ZBTB20: variants seen among roughly 807,000 people sequenced by gnomAD.
ZBTB20 encodes zinc finger and BTB domain-containing protein 20.
In ZBTB20, 9 loss-of-function variants were observed where a neutral mutation model predicts 56.9. The observed-to-expected ratio is 0.16, with a 90% confidence interval of 0.10 to 0.28. ZBTB20 has a LOEUF of 0.28. Among genes scored for constraint, ZBTB20 ranks in the 10% least tolerant of loss-of-function variants. The pLI is 1.00. For synonymous variants in ZBTB20, 417 were observed against 420.7 expected, an observed-to-expected ratio of 0.99 and a Z score of 0.11; for missense variants, 655 against 1,003.0, an observed-to-expected ratio of 0.65 and a Z score of 4.69.
chr3:115,137,893 T>A (rs374890971), intron 1 of ZBTB20, among the ~76,000 whole-genome samples: 11 of 152,188 alleles, frequency 7.2e-5, no homozygotes, highest in Admixed American at 6.5e-4. Flanking sequence ...ACATTGCATA[T>A]CTTTGTCATG....
intron 7 of ZBTB20, among the ~76,000 whole-genome samples, chr3:114,431,942 A>G (rs920824960): frequency 3.3e-5 from 5 of 152,316 alleles, no homozygotes; most frequent in East Asian, 1.9e-4. Flanking sequence ...AAAAGGAAAC[A>G]TTAGCACCAA....
At chr3:114,858,127 A>G (rs1470473476) in intron 4 of ZBTB20, among the ~76,000 whole-genome samples, 1 of 152,212 alleles carries the variant, frequency 6.6e-6, no homozygotes, top group Non-Finnish European at 1.5e-5. Flanking sequence ...TTTTACTAAT[A>G]ATCTCTATTA....
chr3:114,737,970 C>T (rs1408677995), intron 5 of ZBTB20, among the ~76,000 whole-genome samples: 2 of 152,058 alleles, frequency 1.3e-5, no homozygotes, highest in African/African-American at 4.8e-5. Context: ...AAACATCACC[C>T]TTTCTGCTAA....
chr3:115,064,795 T>C (rs2082147432), intron 2 of ZBTB20, among the ~76,000 whole-genome samples: 1 of 152,184 alleles, frequency 6.6e-6, no homozygotes, highest in African/African-American at 2.4e-5. Context: ...CTTTGAATGT[T>C]GTCATTAAGA....
At chr3:114,455,354 C>G (rs1260263820) in intron 7 of ZBTB20, among the ~76,000 whole-genome samples, 1 of 152,086 alleles carries the variant, frequency 6.6e-6, no homozygotes, top group African/African-American at 2.4e-5. Flanking sequence ...CTCGTACTGA[C>G]AAATCCTCAA....
At chr3:114,394,331 CT>C in intron 7 of ZBTB20, among the ~76,000 whole-genome samples, 1 of 152,150 alleles carries the variant, frequency 6.6e-6, no homozygotes. Flanking sequence ...GAGTCTAAAT[CT>C]GTACTCTTTT....
chr3:114,578,089 G>A (rs1577709388), intron 6 of ZBTB20, among the ~76,000 whole-genome samples: 1 of 151,974 alleles, frequency 6.6e-6, no homozygotes, highest in East Asian at 1.9e-4. Flanking sequence ...AAAAGAACAA[G>A]AAATGATTAA....
At chr3:114,663,481 T>C (rs1269383539) in intron 6 of ZBTB20, among the ~76,000 whole-genome samples, 3 of 147,426 alleles carry the variant, frequency 2.0e-5, no homozygotes, top group Non-Finnish European at 3.0e-5. Flanking sequence ...CTGCATCAAC[T>C]AACGAGCAAA....
At chr3:114,937,523 G>A (rs1468678569) in intron 3 of ZBTB20, among the ~76,000 whole-genome samples, 1 of 151,928 alleles carries the variant, frequency 6.6e-6, no homozygotes, top group Non-Finnish European at 1.5e-5. Context: ...CCGCGTTCAA[G>A]TGATTCTCCT....
intron 4 of ZBTB20, among the ~76,000 whole-genome samples, chr3:114,883,399 C>T (rs1341781803): frequency 1.3e-5 from 2 of 152,190 alleles, no homozygotes; most frequent in African/African-American, 2.4e-5. Flanking sequence ...CAAAACTGAT[C>T]AGAAATGTAT....
At chr3:115,005,230 A>AT (rs1045291715) in intron 2 of ZBTB20, among the ~76,000 whole-genome samples, 2 of 151,624 alleles carry the variant, frequency 1.3e-5, no homozygotes, top group African/African-American at 4.8e-5. Flanking sequence ...TCTTGATTTT[A>AT]TTTTTTTGTT....
intron 3 of ZBTB20, among the ~76,000 whole-genome samples, chr3:114,909,592 A>C (rs2075448832): frequency 6.6e-6 from 1 of 151,994 alleles, no homozygotes; most frequent in African/African-American, 2.4e-5. Flanking sequence ...CCAGTCTTGC[A>C]AGCTCCATTC....
chr3:114,484,434 C>T (rs1212035833), intron 7 of ZBTB20, among the ~76,000 whole-genome samples: 1 of 152,126 alleles, frequency 6.6e-6, no homozygotes, highest in Non-Finnish European at 1.5e-5. Context: ...AGAAGATCTG[C>T]CAGACAAGCT....
chr3:115,114,009 A>T (rs78433884), intron 1 of ZBTB20, among the ~76,000 whole-genome samples: 5,193 of 152,268 alleles, frequency 0.034, 189 homozygotes, highest in Admixed American at 0.12. Flanking sequence ...TATAATATAC[A>T]TACATTACTA....
chr3:114,402,217 T>C (rs2063863855), intron 7 of ZBTB20, among the ~76,000 whole-genome samples: 1 of 152,194 alleles, frequency 6.6e-6, no homozygotes, highest in Admixed American at 6.5e-5. Context: ...CTATGCTACA[T>C]GCTCTTCAAT....
intron 3 of ZBTB20, among the ~76,000 whole-genome samples, chr3:114,959,716 TACATAC>T (rs921045458): frequency 2.8e-5 from 3 of 107,794 alleles, no homozygotes; most frequent in African/African-American, 1.2e-4. Context: ...TATATTTATA[TACATAC>T]ACACACACAC....
rs1553796401 is a variant in ZBTB20, at chr3:114,354,568, T to TTTTTTG, written c.200-2691_200-2690insCAAAAA. Among the ~76,000 whole-genome samples, 8 of 124,954 alleles carry TTTTTTG rather than the reference T, an allele frequency of 6.4e-5. No homozygotes were observed. The East Asian group carries it at 1.9e-3, about 29-fold the overall frequency. 82.0% of individuals were successfully genotyped at this position (124,954 alleles called of 152,430 possible). A position where few individuals can be genotyped will look rare whatever the true frequency, so the allele number is the denominator to read the frequency against. On this transcript the variant is annotated intron_variant, in intron 10 of 11. Coordinates refer to ENST00000675478, the MANE Select transcript of ZBTB20 (RefSeq NM_001348800.3). ...CCTATGTGTGTTCTGAACAGGTTTT[T>TTTTTTG]TTTTGTTTTGTTTTGTTTGTTTTTT...
At chr3:114,896,600 A>C (rs375171140) in intron 4 of ZBTB20, among the ~76,000 whole-genome samples, 24 of 152,164 alleles carry the variant, frequency 1.6e-4, no homozygotes, top group African/African-American at 5.8e-4. Context: ...TGGGGGTGGG[A>C]GTGCAGAGGG....
intron 3 of ZBTB20, among the ~76,000 whole-genome samples, chr3:114,919,101 A>C (rs1251988172): frequency 6.6e-6 from 1 of 152,232 alleles, no homozygotes. Flanking sequence ...TAAAAGATAA[A>C]AGACAAAAAA....
Sources: allele counts gnomAD v4.1 joint callset (sites outside exome capture counted in the v4.1 genomes callset), GRCh38; gene constraint gnomAD v4.1.1; transcripts MANE v1.5; gene names NCBI Gene and HGNC (gene_info 2026-07-23, HGNC 2026-07-21).